NLGN4X: variants seen among roughly 807,000 people sequenced by gnomAD.
NLGN4X encodes the protein neuroligin-4, X-linked.
A neutral mutation model predicts 40.3 loss-of-function variants in NLGN4X; 3 were observed. That is an observed-to-expected ratio of 0.07 (90% CI 0.03 to 0.19). The LOEUF (loss-of-function observed/expected upper bound fraction) is 0.19, where lower values mean the gene tolerates loss of function less well. NLGN4X is among the 10% of genes least tolerant of loss of function. The pLI is 1.00. For missense variants in NLGN4X, 382 were observed against 708.3 expected (o/e 0.54, Z 5.23); for synonymous variants, 270 against 306.8 (o/e 0.88, Z 1.25).
chrX:5,945,310 T>C (rs1295969644), intron 3 of NLGN4X, among the ~76,000 whole-genome samples: 1 of 111,701 alleles, frequency 9.0e-6, no homozygotes, highest in African/African-American at 3.3e-5. Context: ...GAAGCACTGA[T>C]AGTGAACTTA....
intron 2 of NLGN4X, among the ~76,000 whole-genome samples, chrX:6,066,529 T>C (rs2037920877): frequency 1.8e-5 from 2 of 112,100 alleles, no homozygotes; most frequent in Admixed American, 1.9e-4. Flanking sequence ...CTCACACCTG[T>C]AATCCCAGCC....
chrX:6,085,056 A>T (rs1238932404), intron 2 of NLGN4X, among the ~76,000 whole-genome samples: 2 of 109,096 alleles, frequency 1.8e-5, no homozygotes, highest in African/African-American at 6.7e-5. Context: ...CAAGAAATTG[A>T]TATCTGGATG....
chrX:6,160,988 TAG>T (rs1268374455), intron 1 of NLGN4X, among the ~76,000 whole-genome samples: 1 of 99,361 alleles, frequency 1.0e-5, no homozygotes, highest in African/African-American at 3.7e-5. Flanking sequence ...ATATATAATA[TAG>T]GATATAAAAT....
intron 2 of NLGN4X, among the ~76,000 whole-genome samples, chrX:6,098,335 A>C (rs1391429716): frequency 9.0e-6 from 1 of 111,448 alleles, no homozygotes; most frequent in African/African-American, 3.3e-5. Flanking sequence ...TAAAAAAATA[A>C]AAACTAGAAA....
chrX:6,226,622 G>T (rs1028223714), intron 1 of NLGN4X: 5 of 113,560 alleles, frequency 4.4e-5, no homozygotes, highest in African/African-American at 1.6e-4. Context: ...CCCGCCGAGG[G>T]ACCCCAGCCT....
intron 3 of NLGN4X, among the ~76,000 whole-genome samples, chrX:5,981,972 T>C (rs985725346): frequency 2.7e-5 from 3 of 111,602 alleles, no homozygotes; most frequent in African/African-American, 9.7e-5. Flanking sequence ...ACAGGAGCAT[T>C]TTCATTAAAA....
At chrX:6,213,057 T>G (rs1187574599) in intron 1 of NLGN4X, among the ~76,000 whole-genome samples, 1 of 109,445 alleles carries the variant, frequency 9.1e-6, no homozygotes, top group Non-Finnish European at 1.9e-5. Context: ...TTTAGGGACT[T>G]GGTTTCAAAG....
intron 3 of NLGN4X, among the ~76,000 whole-genome samples, chrX:5,925,881 C>CAT (rs55860509): frequency 9.5e-3 from 184 of 19,425 alleles, no homozygotes; most frequent in East Asian, 0.029. Flanking sequence ...TACATACACA[C>CAT]ATATATATAT....
chrX:6,080,151 A>G (rs1322705680), intron 2 of NLGN4X, among the ~76,000 whole-genome samples: 2 of 110,922 alleles, frequency 1.8e-5, no homozygotes, highest in Admixed American at 9.6e-5. Flanking sequence ...CCAAGAGGAG[A>G]AAAATGCCAG....
intron 3 of NLGN4X, among the ~76,000 whole-genome samples, chrX:5,932,604 G>C (rs753657152): frequency 9.0e-6 from 1 of 111,596 alleles, no homozygotes; most frequent in Non-Finnish European, 1.9e-5. Flanking sequence ...GGTAAATATA[G>C]TAGGTATAGA....
At chrX:5,957,740 C>T (rs1252424386) in intron 3 of NLGN4X, among the ~76,000 whole-genome samples, 3 of 111,639 alleles carry the variant, frequency 2.7e-5, no homozygotes, top group African/African-American at 9.8e-5. Flanking sequence ...ATTATGCAAT[C>T]CCCTAAAAAC....
intron 1 of NLGN4X, among the ~76,000 whole-genome samples, chrX:6,185,487 C>A (rs1921923519): frequency 9.0e-6 from 1 of 111,679 alleles, no homozygotes; most frequent in South Asian, 3.7e-4. Context: ...GAACAACATG[C>A]CAGCGAAAGA....
In NLGN4X at chrX:5,900,560, C is replaced by CTTTTTTTTTTT. The variant is rs1163973694; in HGVS notation, c.1601+2506_1601+2516dup. Among the ~76,000 whole-genome samples, 3 of 45,596 alleles carry CTTTTTTTTTTT rather than the reference C, an allele frequency of 6.6e-5. 1 individual carries two copies. Among genetic ancestry groups the CTTTTTTTTTTT allele is most frequent in the African/African-American group, 2.5e-4 (3 of 11,772 alleles). The allele number at this position is 45,596 out of a possible 115,157, so 39.6% of individuals were successfully genotyped here. On this transcript the variant is annotated intron_variant, in intron 5 of 5. Coordinates refer to ENST00000381095, the MANE Select transcript of NLGN4X (RefSeq NM_181332.3). ...GTTATAAGACACACCGTTTTTGGTGCTTTTTTTTTTTTTTTTTTTTTTTTT... is the reference window on the plus strand; with the variant it reads ...GTTATAAGACACACCGTTTTTGGTGCTTTTTTTTTTTTTTTTTTTTTTTTTTTTTTTTTTTT...
intron 2 of NLGN4X, among the ~76,000 whole-genome samples, chrX:6,123,787 G>A (rs1400955049): frequency 1.9e-5 from 2 of 103,807 alleles, no homozygotes; most frequent in Non-Finnish European, 2.0e-5. Context: ...ATAATAATAA[G>A]GTCAGTAAAA....
At chrX:6,087,263 T>G (rs28653434) in intron 2 of NLGN4X, among the ~76,000 whole-genome samples, 21,739 of 110,924 alleles carry the variant, frequency 0.2, 1,833 homozygotes, top group South Asian at 0.27. Context: ...ATTTTTTGAC[T>G]TTTTTTAATA....
intron 5 of NLGN4X, among the ~76,000 whole-genome samples, chrX:5,900,335 G>A (rs1480559959): frequency 9.0e-6 from 1 of 110,771 alleles, no homozygotes; most frequent in East Asian, 2.8e-4. Flanking sequence ...AGACACACAG[G>A]GAGGCCGTAA....
intron 2 of NLGN4X, among the ~76,000 whole-genome samples, chrX:6,089,504 T>A (rs1302008265): frequency 8.9e-6 from 1 of 112,551 alleles, no homozygotes; most frequent in Non-Finnish European, 1.9e-5. Flanking sequence ...AGAGGAATTG[T>A]GGGATATTCC....
At chrX:5,929,125 T>C (rs1042731073) in intron 3 of NLGN4X, among the ~76,000 whole-genome samples, 3 of 111,824 alleles carry the variant, frequency 2.7e-5, no homozygotes, top group African/African-American at 9.8e-5. Flanking sequence ...TAATAAACTA[T>C]TAATTATTTT....
intron 1 of NLGN4X, among the ~76,000 whole-genome samples, chrX:6,214,414 T>TCCTCAG (rs1203530461): frequency 1.8e-5 from 2 of 111,836 alleles, no homozygotes; most frequent in Non-Finnish European, 3.8e-5. Context: ...TATTTTGCCT[T>TCCTCAG]CTGTGTCTCT....
Sources: allele counts gnomAD v4.1 joint callset (sites outside exome capture counted in the v4.1 genomes callset), GRCh38; gene constraint gnomAD v4.1.1; transcripts MANE v1.5; gene names NCBI Gene and HGNC (gene_info 2026-07-23, HGNC 2026-07-21).